The following OBSL1 variants were observed in gnomAD, a reference collection of about 807,000 sequenced individuals.
The protein encoded by OBSL1 is obscurin-like protein 1.
Under a neutral mutation model 172.0 loss-of-function variants are expected in OBSL1, and 160 were observed. The ratio of observed to expected loss-of-function variants is 0.93; its 90% CI spans 0.82 to 1.06. OBSL1 has a LOEUF of 1.06. Ranked by LOEUF, OBSL1 falls within the 50% of genes least tolerant of loss-of-function variation. The probability of loss-of-function intolerance (pLI) is 0.00; values close to 1 mark genes in which losing one functional copy is unlikely to be tolerated. For missense variants in OBSL1, 2,681 were observed against 2,715.4 expected (o/e 0.99, Z 0.28); for synonymous variants, 1,200 against 1,196.3 (o/e 1.00, Z -0.06).
chr2:219,552,829 C>T (rs1483533937), intron 17 of OBSL1, 39 bp downstream of exon 17: 10 of 1,539,772 alleles, frequency 6.5e-6, no homozygotes, highest in African/African-American at 1.4e-5. Context: ...AGTCTCGCGC[C>T]CAAAGCAGTG....
chr2:219,551,412 C>G, intron 20 of OBSL1, 117 bp downstream of exon 20: 1 of 1,342,916 alleles, frequency 7.4e-7, no homozygotes, highest in Non-Finnish European at 9.9e-7. Flanking sequence ...CCACCTCCTA[C>G]GTATCCCAGG....
intron 15 of OBSL1, 32 bp downstream of exon 15, chr2:219,554,442 C>A: frequency 6.2e-7 from 1 of 1,608,508 alleles, no homozygotes; most frequent in South Asian, 1.1e-5. Flanking sequence ...CCACACAGGT[C>A]AGCAGGCAGG....
In OBSL1 at chr2:219,568,157, C is replaced by G. The variant is rs1697061110; in HGVS notation, c.1180G>C (p.Val394Leu). ...RKYEQIEEGTVRRLIIHRLKA... is the reference protein window; with the variant it reads ...RKYEQIEEGTLRRLIIHRLKA... ...AGCCTGTGGATGATGAGGCGCCGGACAGTGCCCTCTTCGATCTGCTCGTAC... is the reference window on the plus strand; with the variant it reads ...AGCCTGTGGATGATGAGGCGCCGGAGAGTGCCCTCTTCGATCTGCTCGTAC... Residue 394 changes from valine (V) to leucine (L), a missense_variant, in exon 2 of 21, where the codon GTC (valine) becomes CTC (leucine). Transcript: ENST00000404537. The surrounding 1 kb of genome is among the most constrained non-coding windows in gnomAD (Gnocchi z 4.1). The G allele has an allele frequency of 6.2e-7, 1 of 1,613,720 alleles. No individual in the cohort carries two copies. Among genetic ancestry groups the G allele is most frequent in the South Asian group, 1.1e-5 (1 of 91,088 alleles).
At chr2:219,557,724 T>C in intron 11 of OBSL1, 99 bp downstream of exon 11, 2 of 1,534,550 alleles carry the variant, frequency 1.3e-6, no homozygotes, top group Non-Finnish European at 8.7e-7. Flanking sequence ...GGGCCAGGGA[T>C]GGGCAAGGCA....
chr2:219,557,647 G>C, intron 11 of OBSL1, 29 bp from the exon 12 acceptor site: 1 of 1,514,268 alleles, frequency 6.6e-7, no homozygotes, highest in Non-Finnish European at 8.8e-7. Flanking sequence ...AGGTCACTGG[G>C]AGGGAGAGGC....
At chr2:219,569,457 G>A (rs1012982362) in intron 1 of OBSL1, 1 of 152,140 alleles carries the variant, frequency 6.6e-6, no homozygotes, top group African/African-American at 2.4e-5. Flanking sequence ...GTGAGTTTGG[G>A]GTGTGCTTTT....
intron 1 of OBSL1, chr2:219,569,015 C>T (rs1375783943): frequency 6.6e-6 from 1 of 150,734 alleles, no homozygotes; most frequent in Non-Finnish European, 1.5e-5. Flanking sequence ...TCCCAAAGTG[C>T]TGGGATTACA....
At chr2:219,553,064 T>TGGGCACAGGCGACCCCGGCC (rs1695752526) in intron 16 of OBSL1, 40 bp from the exon 17 acceptor site, 3 of 1,428,596 alleles carry the variant, frequency 2.1e-6, no homozygotes, top group East Asian at 5.5e-5. Context: ...CGAGCCCGGC[T>TGGGCACAGGCGACCCCGGCC]GGGCACAGGC....
chr2:219,567,610 T>G (rs1338685116), intron 3 of OBSL1, 35 bp from the exon 4 acceptor site: 1 of 1,596,724 alleles, frequency 6.3e-7, no homozygotes, highest in Admixed American at 1.7e-5. Flanking sequence ...CCGGCCTTGC[T>G]TGGGCCTCCA....
In OBSL1 at chr2:219,562,263, A is replaced by C. The variant is rs1021115731; in HGVS notation, c.2953+139T>G. On this transcript the variant is annotated intron_variant, in intron 8 of 20. Coordinates refer to ENST00000404537, the MANE Select transcript of OBSL1 (RefSeq NM_015311.3). Reference sequence around the variant, plus strand: ...TTCCTTGAATAGGGGCCCTGGGCTCATCTCAGCAAGAACCCTGGCACATGC... The same window carrying C: ...TTCCTTGAATAGGGGCCCTGGGCTCCTCTCAGCAAGAACCCTGGCACATGC... The C allele has an allele frequency of 3.8e-5, 41 of 1,081,980 alleles. No homozygotes were observed. The Admixed American group carries it at 8.7e-4, about 23-fold the overall frequency. The allele number at this position is 1,081,980 out of a possible 1,614,324, so 67.0% of individuals were successfully genotyped here. A position where few individuals can be genotyped will look rare whatever the true frequency, so the allele number is the denominator to read the frequency against.
At position 219,551,770 on chromosome 2, in the gene OBSL1, G is replaced by C. The variant is rs200240897; in HGVS notation, c.5442C>G (p.Pro1814=). 10 of 1,592,366 alleles carry C rather than the reference G, an allele frequency of 6.3e-6. No individual in the cohort carries two copies. The highest frequency in any genetic ancestry group is 1.7e-5 in the Admixed American group (1 of 59,588). ...EALPLQMCRH[P]PREKTVLVGR... ...CCACCAGAACGGTCTTCTCGCGAGG[G>C]GGGTGGCGGCACATCTGGAGAGGCA... The change falls in exon 20 of 21, where the codon CCC becomes CCG. Residue 1814 remains proline (P), a synonymous_variant. Coordinates refer to ENST00000404537, the MANE Select transcript of OBSL1 (RefSeq NM_015311.3).
At chr2:219,564,528 G>GT (rs1451172218) in intron 6 of OBSL1, among the ~76,000 whole-genome samples, 2 of 152,208 alleles carry the variant, frequency 1.3e-5, no homozygotes, top group Non-Finnish European at 1.5e-5. Context: ...TTGGCTCAGA[G>GT]TAAGTGTCCA....
At chr2:219,553,047 G>A (rs1156473908) in intron 16 of OBSL1, 23 bp from the exon 17 acceptor site, 2 of 1,469,500 alleles carry the variant, frequency 1.4e-6, no homozygotes, top group South Asian at 2.7e-5. Flanking sequence ...GTTGCAGAGG[G>A]TCGGGGCGAG....
At position 219,566,972 on chromosome 2, in the gene OBSL1, T is replaced by G. The variant is rs1574571374; in HGVS notation, c.1992A>C (p.Glu664Asp). 1.9e-6 allele frequency: 3 copies of G among 1,613,726 alleles called. No individual in the cohort carries two copies. Among genetic ancestry groups the G allele is most frequent in the Non-Finnish European group, 2.5e-6 (3 of 1,179,868 alleles). Residue 664 changes from glutamate to aspartate, a missense_variant, in exon 5 of 21, where the codon GAA becomes GAC. Physicochemically the swap from Glu to Asp is conservative, Grantham distance 45. Around this residue, in one of 5 missense-constraint regions of OBSL1, gnomAD observed 1,765 missense variants for 1,748.3 expected, o/e 1.01. Transcript: ENST00000404537. ...LKSNEPEGQV[E>D]PGALRYRIEQ... ...CTATACGGTACCGCAGGGCCCCAGG[T>G]TCCACCTGGCCCTCCGGCTCGTTAC...
At chr2:219,549,461 T>A (rs1695487260), downstream of OBSL1, 5 of 1,390,534 alleles carry the variant, frequency 3.6e-6, no homozygotes, top group Non-Finnish European at 4.8e-6. Context: ...GAAGGCCTGT[T>A]TGTCCATGAA....
At chr2:219,549,173 G>A (rs1251303878), downstream of OBSL1, 4 of 1,613,950 alleles carry the variant, frequency 2.5e-6, no homozygotes, top group South Asian at 1.1e-5. Flanking sequence ...CGGCAGCGCC[G>A]ACGCGTGCAA....
Position 219,556,209 on chromosome 2 carries a change from G to A in OBSL1, c.4420C>T (p.Arg1474Ter), listed in dbSNP as rs764560783. ...QDVCLEVETG[R>*]VGAAGAVRWV... ...CGCACGGCCCCCGCTGCACCCACTC[G>A]GCCTGTCTCCACTTCGAGACACACA... is the stretch of plus-strand genomic sequence containing the variant. The change falls in exon 14 of 21, where the codon CGA (arginine) becomes TGA (stop). Residue 1474 changes from arginine to a stop codon, truncating the protein, a stop_gained. Coordinates refer to ENST00000404537, the MANE Select transcript of OBSL1 (RefSeq NM_015311.3). LOFTEE classifies it high-confidence loss of function. 4.5e-5 allele frequency: 72 copies of A among 1,610,846 alleles called. No homozygotes were observed. Among genetic ancestry groups the A allele is most frequent in the Admixed American group, 6.7e-5 (4 of 59,724 alleles).
downstream of OBSL1, chr2:219,549,576 G>A: frequency 7.4e-7 from 1 of 1,346,606 alleles, no homozygotes; most frequent in Non-Finnish European, 1.0e-6. Flanking sequence ...GTGGGATATG[G>A]TATGTGGTGG....
Position 219,556,170 on chromosome 2 carries a change from C to T in OBSL1, c.4459G>A (p.Gly1487Arg), listed in dbSNP as rs1695984319. 6.2e-7 allele frequency: 1 copy of T among 1,613,390 alleles called. No individual in the cohort carries two copies. Among genetic ancestry groups the T allele is most frequent in the Non-Finnish European group, 8.5e-7 (1 of 1,179,736 alleles). Residue 1487 changes from glycine (G) to arginine (R), a missense_variant, in exon 14 of 21, where the codon GGG (glycine) becomes AGG (arginine). Coordinates refer to ENST00000404537, the MANE Select transcript of OBSL1 (RefSeq NM_015311.3). ...CGAGAGTCGTGGGGCAGGGGCTGCC[C>T]ACCTCGCACCCAGCGCACGGCCCCC... Reference protein sequence around the residue: ...AAGAVRWVRGGQPLPHDSRLS... With the variant: ...AAGAVRWVRGRQPLPHDSRLS...
Sources: allele counts gnomAD v4.1 joint callset (sites outside exome capture counted in the v4.1 genomes callset), GRCh38; gene constraint gnomAD v4.1.1; regional missense constraint gnomAD v4.1.1; non-coding constraint Gnocchi (gnomAD v3.1); transcripts MANE v1.5; gene names NCBI Gene and HGNC (gene_info 2026-07-23, HGNC 2026-07-21).